The following ZNF804B variants were observed in gnomAD, a reference collection of about 807,000 sequenced individuals.
The protein encoded by ZNF804B is zinc finger protein 804B.
In ZNF804B, 80 loss-of-function variants were observed where a neutral mutation model predicts 101.4. That is an observed-to-expected ratio of 0.79 (90% CI 0.66 to 0.95). ZNF804B has a LOEUF of 0.95. ZNF804B is among the 40% of genes least tolerant of loss of function. The pLI is 0.00. For missense variants in ZNF804B, 1,673 were observed against 1,561.9 expected, an observed-to-expected ratio of 1.07 and a Z score of -1.20; for synonymous variants, 622 against 558.8, an observed-to-expected ratio of 1.11 and a Z score of -1.59.
chr7:88,862,076 G>A (rs982160114), intron 1 of ZNF804B, among the ~76,000 whole-genome samples: 1 of 152,162 alleles, frequency 6.6e-6, no homozygotes, highest in African/African-American at 2.4e-5. Context: ...TAAGAAATGA[G>A]ATGTTTTACT....
intron 1 of ZNF804B, among the ~76,000 whole-genome samples, chr7:88,951,504 A>G (rs113900777): frequency 1.2e-4 from 18 of 152,026 alleles, no homozygotes; most frequent in African/African-American, 4.3e-4. Flanking sequence ...TTATTTCTGT[A>G]ATTGATTCTG....
At chr7:89,089,372 C>A (rs998705504) in intron 1 of ZNF804B, among the ~76,000 whole-genome samples, 3 of 151,734 alleles carry the variant, frequency 2.0e-5, no homozygotes, top group Admixed American at 2.0e-4. Context: ...TTTTTTTTCC[C>A]ATTTCTCTGA....
intron 1 of ZNF804B, among the ~76,000 whole-genome samples, chr7:89,051,423 G>A (rs1789202656): frequency 6.6e-6 from 1 of 152,106 alleles, no homozygotes; most frequent in Admixed American, 6.6e-5. Context: ...AAAAGGATAT[G>A]AGAATGAATT....
At chr7:89,068,532 C>T (rs760202369) in intron 1 of ZNF804B, among the ~76,000 whole-genome samples, 1 of 152,000 alleles carries the variant, frequency 6.6e-6, no homozygotes, top group Non-Finnish European at 1.5e-5. Context: ...AAAAAAGTTA[C>T]CCTGACATTT....
chr7:89,281,676 A>C (rs1412820188), intron 2 of ZNF804B, among the ~76,000 whole-genome samples: 2 of 152,168 alleles, frequency 1.3e-5, no homozygotes, highest in East Asian at 3.9e-4. Context: ...TGAAATAAAT[A>C]TCTCTGTAGA....
At chr7:89,143,171 G>C (rs1429477380) in intron 1 of ZNF804B, among the ~76,000 whole-genome samples, 1 of 151,852 alleles carries the variant, frequency 6.6e-6, no homozygotes, top group Non-Finnish European at 1.5e-5. Context: ...AAGTTGGAGG[G>C]TGGGGGGGTT....
chr7:88,781,955 AT>A (rs1463103216), intron 1 of ZNF804B, among the ~76,000 whole-genome samples: 1 of 152,178 alleles, frequency 6.6e-6, no homozygotes, highest in East Asian at 1.9e-4. Context: ...GGGAAAGGAA[AT>A]TGGGAGCTGA....
chr7:88,804,922 G>T (rs1385477345), intron 1 of ZNF804B, among the ~76,000 whole-genome samples: 1 of 152,094 alleles, frequency 6.6e-6, no homozygotes, highest in African/African-American at 2.4e-5. Context: ...CTGATTTCAA[G>T]TTGCTTACTT....
intron 1 of ZNF804B, among the ~76,000 whole-genome samples, chr7:89,192,020 T>C (rs925328384): frequency 6.6e-6 from 1 of 152,122 alleles, no homozygotes; most frequent in African/African-American, 2.4e-5. Context: ...ATGTATGAGA[T>C]AATATCTGTC....
At chr7:88,943,175 C>G (rs1250509554) in intron 1 of ZNF804B, among the ~76,000 whole-genome samples, 4 of 151,796 alleles carry the variant, frequency 2.6e-5, no homozygotes, top group Non-Finnish European at 5.9e-5. Context: ...AAAATCAGGA[C>G]TTAGTAAATT....
At chr7:89,035,951 T>C (rs1053168032) in intron 1 of ZNF804B, among the ~76,000 whole-genome samples, 1 of 145,120 alleles carries the variant, frequency 6.9e-6, no homozygotes, top group African/African-American at 2.5e-5. Context: ...TATATATTTA[T>C]ATTATATACA....
intron 1 of ZNF804B, among the ~76,000 whole-genome samples, chr7:89,028,577 G>A (rs556513862): frequency 6.6e-6 from 1 of 152,222 alleles, no homozygotes; most frequent in South Asian, 2.1e-4. Context: ...AATCCTTTAA[G>A]AATCAACTCA....
intron 1 of ZNF804B, among the ~76,000 whole-genome samples, chr7:88,910,181 C>T (rs1289708803): frequency 6.6e-6 from 1 of 151,846 alleles, no homozygotes; most frequent in Non-Finnish European, 1.5e-5. Flanking sequence ...TTAACCTGAA[C>T]ATCAGGTTTA....
Position 88,817,270 on chromosome 7 carries a change from T to C in ZNF804B, c.108+57186T>C, listed in dbSNP as rs185665674. Among the ~76,000 whole-genome samples, 531 of 152,270 alleles carry C rather than the reference T, an allele frequency of 3.5e-3. 5 individuals carry two copies. The highest frequency in any genetic ancestry group is 0.012 in the African/African-American group (508 of 41,556). The stretch of plus-strand genomic sequence containing the variant: ...GGGGGAGGGATAGCATTGGGAGATA[T>C]ACTTAATGTAAATAATGAGTTAATG... On this transcript the variant is annotated intron_variant, in intron 1 of 3. Transcript: ENST00000333190.
chr7:89,213,016 C>T (rs1788827628), intron 1 of ZNF804B, among the ~76,000 whole-genome samples: 2 of 152,146 alleles, frequency 1.3e-5, no homozygotes, highest in African/African-American at 4.8e-5. Flanking sequence ...TTATTATTAT[C>T]CCCCTTAATC....
Position 89,335,006 on chromosome 7 carries a change from T to A in ZNF804B, c.2024T>A (p.Val675Glu). ...AGTGACCATGGGAAAGACTTCAGTGTAATTTTGAAGAGTAACCACATCAGC... is the reference window on the plus strand; with the variant it reads ...AGTGACCATGGGAAAGACTTCAGTGAAATTTTGAAGAGTAACCACATCAGC... ...GHSDHGKDFS[V>E]ILKSNHISMT... The change falls in exon 4 of 4, where the codon GTA becomes GAA. Residue 675 changes from valine to glutamate, a missense_variant. Transcript: ENST00000333190. The A allele has an allele frequency of 6.2e-7, 1 of 1,613,902 alleles. No individual in the cohort carries two copies. The highest frequency in any genetic ancestry group is 1.1e-5 in the South Asian group (1 of 91,076).
intron 1 of ZNF804B, among the ~76,000 whole-genome samples, chr7:88,772,308 T>G (rs1790082349): frequency 6.6e-6 from 1 of 152,214 alleles, no homozygotes; most frequent in Non-Finnish European, 1.5e-5. Flanking sequence ...TCTTTATGTG[T>G]TTCTTCCAAT....
At chr7:89,136,639 T>A (rs1238745419) in intron 1 of ZNF804B, among the ~76,000 whole-genome samples, 1 of 152,150 alleles carries the variant, frequency 6.6e-6, no homozygotes, top group East Asian at 1.9e-4. Flanking sequence ...TGTATCTGGC[T>A]TATTTCACTT....
chr7:88,778,118 G>A (rs187164017), intron 1 of ZNF804B, among the ~76,000 whole-genome samples: 1 of 152,190 alleles, frequency 6.6e-6, no homozygotes, highest in Admixed American at 6.5e-5. Flanking sequence ...TATAGGTAAA[G>A]CTGCCCTGCT....
Sources: gnomAD v4.1 joint callset for allele counts (sites outside exome capture counted in the v4.1 genomes callset) on GRCh38, gnomAD v4.1.1 for gene constraint, MANE v1.5 for transcripts, NCBI Gene and HGNC (gene_info 2026-07-23, HGNC 2026-07-21) for gene names.